The following SI variants were observed in gnomAD, a reference collection of about 807,000 sequenced individuals.
SI encodes the protein sucrase-isomaltase, intestinal.
SI carries 235 observed loss-of-function variants against 253.3 expected under a neutral mutation model. That is an observed-to-expected ratio of 0.93 (90% CI 0.83 to 1.03). SI has a LOEUF of 1.03. Among genes scored for constraint, SI ranks in the 50% least tolerant of loss-of-function variants. SI has a pLI of 0.00. For synonymous variants in SI, 819 were observed against 712.0 expected (o/e 1.15, Z -2.39); for missense variants, 2,442 against 2,211.1 (o/e 1.10, Z -2.09).
chr3:164,984,399 A>G (rs1294775357), intron 45 of SI, among the ~76,000 whole-genome samples: 1 of 152,144 alleles, frequency 6.6e-6, no homozygotes, highest in Non-Finnish European at 1.5e-5. Flanking sequence ...AATATGTATT[A>G]CAAGACATAT....
rs368169891 is a variant in SI at position 165,074,600 on chromosome 3, T to C, written c.186A>G (p.Lys62=). The change falls in exon 3 of 48, where the codon AAA becomes AAG. Residue 62 remains lysine (K), a synonymous_variant. Transcript: ENST00000264382. Reference sequence around the variant, plus strand: ...CAGGATCATTTAACACATTTGGACATTTTCCTGAATCAGAAGGATTTGTAG... The same window carrying C: ...CAGGATCATTTAACACATTTGGACACTTTCCTGAATCAGAAGGATTTGTAG... The part of the protein sequence containing the change: ...RVTTNPSDSG[K]CPNVLNDPVN... The C allele has an allele frequency of 1.2e-5, 19 of 1,610,402 alleles. No individual in the cohort carries two copies. In the African/African-American group the frequency reaches 1.7e-4, roughly 15 times the overall value.
chr3:164,983,878 C>T (rs558180981), intron 45 of SI, among the ~76,000 whole-genome samples: 1 of 152,200 alleles, frequency 6.6e-6, no homozygotes, highest in African/African-American at 2.4e-5. Flanking sequence ...CAGTCATGAG[C>T]CACCACCATC....
At chr3:165,011,969 T>C (rs188281834) in intron 34 of SI, among the ~76,000 whole-genome samples, 3 of 152,178 alleles carry the variant, frequency 2.0e-5, no homozygotes, top group Admixed American at 6.5e-5. Context: ...CATTATATAA[T>C]GACTTCTTTT....
rs896969239 is a variant in SI, at chr3:165,061,589, G to C, written c.1020+782C>G. On this transcript the variant is annotated intron_variant, in intron 9 of 47. Coordinates refer to ENST00000264382, the MANE Select transcript of SI (RefSeq NM_001041.4). ...TCATTTTTGCAAATGGGAATTTTATGTCAAAAGGTATATCAAGAAAATAAT... is the reference window on the plus strand; with the variant it reads ...TCATTTTTGCAAATGGGAATTTTATCTCAAAAGGTATATCAAGAAAATAAT... Among the ~76,000 whole-genome samples, 3 of 151,940 alleles carry C rather than the reference G, an allele frequency of 2.0e-5. No individual in the cohort carries two copies. In the East Asian group the frequency reaches 5.8e-4, roughly 29 times the overall value.
chr3:165,035,573 G>A (rs1712490346), intron 22 of SI, among the ~76,000 whole-genome samples: 2 of 151,474 alleles, frequency 1.3e-5, no homozygotes, highest in East Asian at 1.9e-4. Flanking sequence ...AGGCATTTAG[G>A]ATAGTCTTTT....
At chr3:164,987,428 A>T (rs1717492241) in intron 44 of SI, among the ~76,000 whole-genome samples, 1 of 152,146 alleles carries the variant, frequency 6.6e-6, no homozygotes, top group Non-Finnish European at 1.5e-5. Context: ...CTTCATATTT[A>T]GGCCGGGTGC....
chr3:164,998,367 G>A (rs2108138723), intron 38 of SI, among the ~76,000 whole-genome samples, 173 bp downstream of exon 38: 2 of 151,788 alleles, frequency 1.3e-5, no homozygotes, highest in African/African-American at 4.8e-5. Context: ...TTTCTACACA[G>A]CACCCTCAAT....
chr3:165,032,778 G>T, intron 23 of SI, 86 bp from the exon 24 acceptor site: 2 of 852,402 alleles, frequency 2.3e-6, no homozygotes. Flanking sequence ...AGCAAAAAAA[G>T]GTCATCATCT....
At chr3:165,076,978 G>GTTTTTTTT (rs770851693) in intron 1 of SI, among the ~76,000 whole-genome samples, 1 of 106,906 alleles carries the variant, frequency 9.4e-6, no homozygotes, top group African/African-American at 3.3e-5. Flanking sequence ...ATCACGGTTT[G>GTTTTTTTT]TTTTTTTTTT....
intron 6 of SI, among the ~76,000 whole-genome samples, chr3:165,067,002 G>T (rs772204784): frequency 6.6e-6 from 1 of 151,796 alleles, no homozygotes; most frequent in Non-Finnish European, 1.5e-5. Flanking sequence ...AATAGTAACT[G>T]TCTGATTCTA....
intron 25 of SI, among the ~76,000 whole-genome samples, chr3:165,028,328 A>G (rs1001774354): frequency 6.6e-6 from 1 of 151,610 alleles, no homozygotes; most frequent in Admixed American, 6.6e-5. Flanking sequence ...ATGCTCATGG[A>G]TGGATAGAAA....
At position 165,059,891 on chromosome 3, in the gene SI, A is replaced by T; in HGVS notation, c.1146+11T>A. 1 of 1,610,126 alleles carries T rather than the reference A, an allele frequency of 6.2e-7. No homozygotes were observed. ...TGATATATATTCCCACGGACCCTTT[A>T]TTCTACTTACAAATGGTATGCCAGC... On this transcript the variant is annotated intron_variant, in intron 10 of 47. Transcript: ENST00000264382.
chr3:165,004,083 G>C (rs904144985), intron 37 of SI, among the ~76,000 whole-genome samples: 8 of 151,992 alleles, frequency 5.3e-5, no homozygotes, highest in African/African-American at 1.9e-4. Flanking sequence ...TATATAAGGA[G>C]CTCAAACAAC....
At chr3:165,038,896 G>A (rs1468510647) in intron 20 of SI, among the ~76,000 whole-genome samples, 182 bp downstream of exon 20, 1 of 151,936 alleles carries the variant, frequency 6.6e-6, no homozygotes, top group African/African-American at 2.4e-5. Context: ...GTGCAACAAA[G>A]GGTATACTTA....
chr3:165,084,469 C>T, the SI span, among the ~76,000 whole-genome samples: 2 of 151,836 alleles, frequency 1.3e-5, no homozygotes, highest in Non-Finnish European at 2.9e-5. Context: ...AAACAAATTG[C>T]TACCTAGTAA....
At chr3:165,032,836 TATACTC>T (rs1291072921) in intron 23 of SI, 144 bp from the exon 24 acceptor site, 3 of 567,048 alleles carry the variant, frequency 5.3e-6, no homozygotes, top group East Asian at 5.7e-5. Flanking sequence ...CACATAGAAA[TATACTC>T]ATTAATATCT....
chr3:165,067,268 G>A (rs766303491), intron 6 of SI, 72 bp downstream of exon 6: 62 of 1,139,688 alleles, frequency 5.4e-5, no homozygotes, highest in Non-Finnish European at 7.4e-5. Context: ...TACTGAAAAT[G>A]TCTTGAAATT....
chr3:165,000,348 A>C (rs999216733), intron 37 of SI, among the ~76,000 whole-genome samples: 2 of 140,326 alleles, frequency 1.4e-5, no homozygotes, highest in African/African-American at 2.4e-5. Flanking sequence ...CAATGGGCAC[A>C]AAGTTACAGT....
chr3:165,023,016 G>C (rs1711709655), intron 26 of SI, among the ~76,000 whole-genome samples: 1 of 151,160 alleles, frequency 6.6e-6, no homozygotes, highest in African/African-American at 2.4e-5. Context: ...AATGAGATTT[G>C]TTGCCATTTC....
Sources: gnomAD v4.1 joint callset for allele counts (sites outside exome capture counted in the v4.1 genomes callset) on GRCh38, gnomAD v4.1.1 for gene constraint, MANE v1.5 for transcripts, NCBI Gene and HGNC (gene_info 2026-07-23, HGNC 2026-07-21) for gene names.